The following PLEKHG5 variants were observed in gnomAD, a reference collection of about 807,000 sequenced individuals.
PLEKHG5 encodes the protein pleckstrin homology and RhoGEF domain containing G5.
PLEKHG5 carries 52 observed loss-of-function variants against 103.8 expected under a neutral mutation model. That is an observed-to-expected ratio of 0.50 (90% CI 0.40 to 0.63). PLEKHG5 has a LOEUF of 0.63. PLEKHG5 is among the 30% of genes least tolerant of loss of function. PLEKHG5 has a pLI of 0.00. For synonymous variants in PLEKHG5, 592 were observed against 575.5 expected, an observed-to-expected ratio of 1.03 and a Z score of -0.41; for missense variants, 1,205 against 1,347.6, an observed-to-expected ratio of 0.89 and a Z score of 1.66.
intron 1 of PLEKHG5, among the ~76,000 whole-genome samples, chr1:6,483,718 T>C (rs1644956142): frequency 1.3e-5 from 2 of 152,218 alleles, no homozygotes; most frequent in Admixed American, 6.5e-5. Context: ...GCCAGGGCTC[T>C]ACCCACACCC....
chr1:6,483,746 C>T (rs942953906), intron 1 of PLEKHG5, among the ~76,000 whole-genome samples: 10 of 152,270 alleles, frequency 6.6e-5, no homozygotes, highest in African/African-American at 1.2e-4. Flanking sequence ...GAATCCACAG[C>T]GCACTGCTGA....
rs1638292542 is a variant in PLEKHG5, at chr1:6,505,649, A to G, written c.-164-9080T>C. Among the ~76,000 whole-genome samples, 1 of 152,218 alleles carries G rather than the reference A, an allele frequency of 6.6e-6. No homozygotes were observed. Among genetic ancestry groups the G allele is most frequent in the Non-Finnish European group, 1.5e-5 (1 of 68,044 alleles). ...AATGACCCACGTCCTGGGACCTGGA[A>G]CGTGAATGTTCCAGAACATCTCATT... On this transcript the variant is annotated intron_variant, in intron 1 of 21. Coordinates refer to the PLEKHG5 transcript ENST00000377740. The surrounding 1 kb of genome is among the most constrained non-coding windows in gnomAD (Gnocchi z 4.2).
intron 1 of PLEKHG5, among the ~76,000 whole-genome samples, chr1:6,482,615 A>G (rs547621013): frequency 2.6e-5 from 4 of 152,244 alleles, no homozygotes; most frequent in Non-Finnish European, 5.9e-5. Flanking sequence ...GAGAGGTGAA[A>G]TGACTTGTCT....
At chr1:6,513,122 C>T (rs888510155) in intron 1 of PLEKHG5, among the ~76,000 whole-genome samples, 3 of 152,376 alleles carry the variant, frequency 2.0e-5, no homozygotes, top group Non-Finnish European at 2.9e-5. Context: ...GAGCTCCCCT[C>T]GCTCCATCTA....
chr1:6,475,432 C>T (rs754206045), intron 4 of PLEKHG5, 30 bp downstream of exon 4: 1 of 1,603,374 alleles, frequency 6.2e-7, no homozygotes, highest in South Asian at 1.1e-5. Context: ...GTAGGGAACC[C>T]GCATCTGCCG....
intron 10 of PLEKHG5, among the ~76,000 whole-genome samples, 178 bp downstream of exon 10, chr1:6,472,349 G>T (rs1027109509): frequency 2.0e-5 from 3 of 152,230 alleles, no homozygotes; most frequent in Admixed American, 1.3e-4. Context: ...CCTGCCCGAA[G>T]CCCCCTCCCA....
Position 6,476,777 on chromosome 1 carries a change from C to A in PLEKHG5, c.44-741G>T, listed in dbSNP as rs538436375. 1.8e-3 allele frequency among the ~76,000 whole-genome samples: 274 copies of A among 151,770 alleles called. 2 individuals are homozygous for A. Among genetic ancestry groups the A allele is most frequent in the Non-Finnish European group, 2.3e-3 (159 of 67,816 alleles). On this transcript the variant is annotated intron_variant, in intron 2 of 20. Transcript: ENST00000377728. ...TTTGTTTGTTTATTGTTTTTTAAGA[C>A]AGGGTCTTGCTCTGTCGCTCAGGCT...
At chr1:6,475,827 CCTTA>C in intron 3 of PLEKHG5, 100 bp downstream of exon 3, 1 of 1,007,678 alleles carries the variant, frequency 9.9e-7, no homozygotes, top group Middle Eastern at 2.0e-4. Context: ...TGCCCATCAG[CCTTA>C]CTTGAGGAAG....
intron 6 of PLEKHG5, 109 bp downstream of exon 6, chr1:6,474,342 G>A (rs1011924941): frequency 1.4e-6 from 2 of 1,409,310 alleles, no homozygotes; most frequent in Admixed American, 3.8e-5. Flanking sequence ...GTATGGTAAT[G>A]AGGCTGCTCA....
chr1:6,485,212 C>T lies in PLEKHG5; in HGVS notation c.-88+6425G>A, dbSNP rs558800817. 1.7e-5 allele frequency: 12 copies of T among 695,236 alleles called. No homozygotes were observed. In the African/African-American group the frequency reaches 1.9e-4, roughly 11 times the overall value. The allele number at this position is 695,236 out of a possible 1,614,324, so 43.1% of individuals were successfully genotyped here. On this transcript the variant is annotated intron_variant, in intron 1 of 20. Coordinates refer to ENST00000377728, the MANE Select transcript of PLEKHG5 (RefSeq NM_020631.6). Reference sequence around the variant, plus strand: ...TGGGCCGCATCCTTCCCCTGGGGGCCGCGGGGCCCATAGTCACGGGCACCC... The same window carrying T: ...TGGGCCGCATCCTTCCCCTGGGGGCTGCGGGGCCCATAGTCACGGGCACCC...
chr1:6,471,279 G>A, intron 12 of PLEKHG5, 179 bp from the exon 13 acceptor site: 1 of 767,996 alleles, frequency 1.3e-6, no homozygotes, highest in South Asian at 1.6e-5. Context: ...GTGACCACCC[G>A]TGGCCAGGGA....
chr1:6,470,969 C>G, intron 13 of PLEKHG5, 21 bp downstream of exon 13: 1 of 1,578,066 alleles, frequency 6.3e-7, no homozygotes, highest in Non-Finnish European at 8.6e-7. Flanking sequence ...GCGCCCCCGC[C>G]CACGGCACGC....
At position 6,473,247 on chromosome 1, in the gene PLEKHG5, A is replaced by G. The variant is rs1644650968; in HGVS notation, c.795+4T>C. The G allele has an allele frequency of 1.2e-6, 2 of 1,611,756 alleles. No individual in the cohort carries two copies. The highest frequency in any genetic ancestry group is 4.5e-5 in the East Asian group (2 of 44,852). ...CCTGACCCTGGGCAGATGGGGCCAC[A>G]TACCCGGCCAAAGGCGCTGGTGCTG... On this transcript the variant is annotated splice_donor_region_variant and intron_variant, in intron 8 of 20. Coordinates refer to ENST00000377728, the MANE Select transcript of PLEKHG5 (RefSeq NM_020631.6).
chr1:6,473,229 C>A, intron 8 of PLEKHG5, 22 bp downstream of exon 8: 1 of 1,612,724 alleles, frequency 6.2e-7, no homozygotes, highest in South Asian at 1.1e-5. Flanking sequence ...CTGCCTGACC[C>A]TGGGCAGATG....
chr1:6,489,604 G>A (rs1645107638), intron 1 of PLEKHG5, among the ~76,000 whole-genome samples: 1 of 152,212 alleles, frequency 6.6e-6, no homozygotes, highest in Admixed American at 6.5e-5. Context: ...ACCCCAGCGT[G>A]TGTCTTCGGA....
At chr1:6,516,735 GTA>G (rs201592245) in intron 1 of PLEKHG5, among the ~76,000 whole-genome samples, 3,153 of 140,354 alleles carry the variant, frequency 0.022, 104 homozygotes, top group African/African-American at 0.076. Context: ...ATATATGTGT[GTA>G]TATATATGTG....
At position 6,475,140 on chromosome 1, in the gene PLEKHG5, TG is replaced by T; in HGVS notation, c.211-3del. 1 of 1,575,008 alleles carries T rather than the reference TG, an allele frequency of 6.3e-7. No individual in the cohort carries two copies. The highest frequency in any genetic ancestry group is 8.7e-7 in the Non-Finnish European group (1 of 1,144,670). On this transcript the variant is annotated splice_polypyrimidine_tract_variant and splice_region_variant and intron_variant, in intron 4 of 20. Transcript: ENST00000377728. ...AGTGAAGCATTCCTTGCTTGGGTCC[TG>T]GGAGGATGGTGGGGGTGGGGGCTGT...
At chr1:6,519,594 G>C in exon 1 of PLEKHG5, 1 of 1,006,888 alleles carries the variant, frequency 9.9e-7, no homozygotes, top group Non-Finnish European at 1.6e-6. Flanking sequence ...AGACACACAG[G>C]TCTCCGTCCT....
upstream of PLEKHG5, among the ~76,000 whole-genome samples, chr1:6,497,995 C>T (rs1645253098): frequency 6.6e-6 from 1 of 152,110 alleles, no homozygotes; most frequent in African/African-American, 2.4e-5. The surrounding 1 kb of genome is among the most constrained non-coding windows in gnomAD (Gnocchi z 6.1). Flanking sequence ...CCGCCACCTC[C>T]CTCGTGCCAA....
Sources: allele counts gnomAD v4.1 joint callset (sites outside exome capture counted in the v4.1 genomes callset), GRCh38; gene constraint gnomAD v4.1.1; non-coding constraint Gnocchi (gnomAD v3.1); transcripts MANE v1.5; gene names NCBI Gene and HGNC (gene_info 2026-07-23, HGNC 2026-07-21).